The following TSLP variants were observed in gnomAD, a reference collection of about 807,000 sequenced individuals.
The protein encoded by TSLP is thymic stromal lymphopoietin.
In TSLP, 12 loss-of-function variants were observed where a neutral mutation model predicts 12.4. The observed-to-expected ratio is 0.97, with a 90% CI of 0.62 to 1.57. The LOEUF (loss-of-function observed/expected upper bound fraction) is 1.57, where lower values mean the gene tolerates loss of function less well. Among genes scored for constraint, TSLP ranks in the 40% most tolerant of loss-of-function variants. TSLP has a pLI of 0.00. For synonymous variants in TSLP, 97 were observed against 69.5 expected, an observed-to-expected ratio of 1.40 and a Z score of -1.97; for missense variants, 222 against 189.6, an observed-to-expected ratio of 1.17 and a Z score of -1.00.
chr5:111,074,684 G>T (rs1177940910), intron 3 of TSLP, among the ~76,000 whole-genome samples: 1 of 135,384 alleles, frequency 7.4e-6, no homozygotes, highest in Admixed American at 8.3e-5. Context: ...AGGCTGGAAT[G>T]CAGTGGCACG....
rs532541421 is a variant in TSLP at position 111,074,121 on chromosome 5, AC to A, written c.351+477del. Among the ~76,000 whole-genome samples the A allele has an allele frequency of 4.2e-4, 64 of 152,344 alleles. 1 individual carries two copies. The highest frequency in any genetic ancestry group is 1.5e-3 in the African/African-American group (64 of 41,578). On this transcript the variant is annotated intron_variant, in intron 3 of 3. Transcript: ENST00000344895. The stretch of plus-strand genomic sequence containing the variant: ...TTTGCTAAATGTATAATTACATTAT[AC>A]ATAAAATCTCTATCCTATGTTTGCT...
chr5:111,073,138 T>C (rs1752387952), intron 2 of TSLP, among the ~76,000 whole-genome samples: 1 of 152,222 alleles, frequency 6.6e-6, no homozygotes, highest in Admixed American at 6.5e-5. Context: ...AGAGGAAGTC[T>C]CTATCCGGAG....
At chr5:111,072,999 T>C in intron 2 of TSLP, 67 bp downstream of exon 2, 1 of 1,574,236 alleles carries the variant, frequency 6.4e-7, no homozygotes, top group Non-Finnish European at 8.7e-7. Flanking sequence ...AGAGGGAGTA[T>C]CCTGCTACGT....
rs1327760824 is a variant in TSLP at position 111,072,907 on chromosome 5, A to T, written c.191A>T (p.Asn64Ile). 3 of 1,614,224 alleles carry T rather than the reference A, an allele frequency of 1.9e-6. No individual in the cohort carries two copies. Among genetic ancestry groups the T allele is most frequent in the Non-Finnish European group, 2.5e-6 (3 of 1,180,028 alleles). Reference sequence around the variant, plus strand: ...TTCCAGACCAAAAGTACCGAGTTCAACAACACCGTCTCTTGTAGCAATCGG... The same window carrying T: ...TTCCAGACCAAAAGTACCGAGTTCATCAACACCGTCTCTTGTAGCAATCGG... ...YMSGTKSTEF[N>I]NTVSCSNRPH... The change falls in exon 2 of 4, where the codon AAC becomes ATC. Residue 64 changes from asparagine to isoleucine, a missense_variant. Coordinates refer to ENST00000344895, the MANE Select transcript of TSLP (RefSeq NM_033035.5).
Position 111,077,800 on chromosome 5 carries a change from ATATCT to A in TSLP, c.*1729_*1733del, listed in dbSNP as rs1316473490. 5.9e-5 allele frequency: 9 copies of A among 152,768 alleles called. No homozygotes were observed. The East Asian group carries it at 1.5e-3, about 26-fold the overall frequency. 9.5% of individuals were successfully genotyped at this position (152,768 alleles called of 1,614,324 possible). ...ATATTTTATTCTATGTGTTCCATAG[ATATCT>A]TAATGTAAAATTAGTCATTTAAATT... On this transcript the variant is annotated 3_prime_UTR_variant, in exon 4 of 4. Coordinates refer to ENST00000344895, the MANE Select transcript of TSLP (RefSeq NM_033035.5).
upstream of TSLP, chr5:111,071,488 A>T (rs1452628128): frequency 2.6e-6 from 4 of 1,547,896 alleles, no homozygotes; most frequent in Non-Finnish European, 3.5e-6. Context: ...ACACTTATGA[A>T]GTGTTTAGGG....
chr5:111,073,830 T>C (rs1752414394), intron 3 of TSLP, among the ~76,000 whole-genome samples, 185 bp downstream of exon 3: 1 of 152,214 alleles, frequency 6.6e-6, no homozygotes, highest in African/African-American at 2.4e-5. Context: ...AACTCACCTA[T>C]TTCTACGGTT....
At chr5:111,072,224 A>G (rs572103775) in intron 1 of TSLP, among the ~76,000 whole-genome samples, 163 bp downstream of exon 1, 341 of 152,352 alleles carry the variant, frequency 2.2e-3, no homozygotes, top group Non-Finnish European at 4.1e-3. Context: ...TATCTAATCT[A>G]AAATGATTAT....
At chr5:111,071,469 A>G (rs1752336071), upstream of TSLP, 17 of 1,539,296 alleles carry the variant, frequency 1.1e-5, no homozygotes, top group Non-Finnish European at 1.5e-5. Context: ...CGTTTCTTAA[A>G]GGACATTCAC....
rs767459292 is a variant in TSLP, at chr5:111,073,662, A to G, written c.351+17A>G. 1.1e-5 allele frequency: 18 copies of G among 1,613,846 alleles called. No individual in the cohort carries two copies. Among genetic ancestry groups the G allele is most frequent in the Non-Finnish European group, 1.4e-5 (17 of 1,179,776 alleles). On this transcript the variant is annotated intron_variant, in intron 3 of 3. Transcript: ENST00000344895. ...GAAACTCAGGTAAGCCCGAAGCCTC[A>G]GACGTTTGCTGTACCTTGGGGCTAA...
chr5:111,070,065 G>A (rs1465782167), upstream of TSLP: 3 of 152,220 alleles, frequency 2.0e-5, no homozygotes, highest in Admixed American at 1.3e-4. Context: ...ACCCTGAGAA[G>A]TTGGTGATGG....
At chr5:111,070,838 C>T (rs1752323305), upstream of TSLP, 1 of 152,240 alleles carries the variant, frequency 6.6e-6, no homozygotes, top group Non-Finnish European at 1.5e-5. Flanking sequence ...CGTGCGCCGC[C>T]TCCGGGAGAG....
chr5:111,070,793 G>C (rs1752322156), upstream of TSLP: 1 of 152,276 alleles, frequency 6.6e-6, no homozygotes, highest in Non-Finnish European at 1.5e-5. Context: ...TACGCTGCGC[G>C]GGGCTAAGCC....
At chr5:111,071,357 G>T, upstream of TSLP, 1 of 1,294,424 alleles carries the variant, frequency 7.7e-7, no homozygotes, top group South Asian at 1.7e-5. Context: ...ACATATGCAA[G>T]GACTCCAAAT....
chr5:111,073,127 G>T (rs530906478), intron 2 of TSLP, among the ~76,000 whole-genome samples, 195 bp downstream of exon 2: 2 of 152,248 alleles, frequency 1.3e-5, no homozygotes, highest in Non-Finnish European at 2.9e-5. Context: ...CCAATTTAGG[G>T]AGAGGAAGTC....
chr5:111,075,321 G>T (rs1375913776), intron 3 of TSLP, among the ~76,000 whole-genome samples: 1 of 152,030 alleles, frequency 6.6e-6, no homozygotes, highest in Admixed American at 6.5e-5. Flanking sequence ...TCAGATAAAG[G>T]TATATACTGC....
upstream of TSLP, chr5:111,070,137 T>A (rs1752307441): frequency 6.6e-6 from 1 of 152,180 alleles, no homozygotes. Context: ...ACATGAAGAA[T>A]TCCAGAAAAG....
In TSLP at chr5:111,071,798, G is replaced by A; in HGVS notation, c.-93G>A. Reference sequence around the variant, plus strand: ...CAATGAGAGGCAAAACCTGGTGCTTGAGCACTGGCCCCTAAGGCAGGCCTT... The same window carrying A: ...CAATGAGAGGCAAAACCTGGTGCTTAAGCACTGGCCCCTAAGGCAGGCCTT... On this transcript the variant is annotated 5_prime_UTR_variant, in exon 1 of 4. Transcript: ENST00000344895. The A allele has an allele frequency of 6.8e-7, 1 of 1,474,032 alleles. No homozygotes were observed. Among genetic ancestry groups the A allele is most frequent in the Non-Finnish European group, 9.2e-7 (1 of 1,083,166 alleles). 91.3% of individuals were successfully genotyped at this position (1,474,032 alleles called of 1,614,324 possible). A position where few individuals can be genotyped will look rare whatever the true frequency, so the allele number is the denominator to read the frequency against.
At position 111,076,351 on chromosome 5, in the gene TSLP, A is replaced by G. The variant is rs192309314; in HGVS notation, c.*277A>G. The G allele has an allele frequency of 1.2e-3, 408 of 344,740 alleles. 1 individual carries two copies. The highest frequency in any genetic ancestry group is 8.0e-3 in the African/African-American group (368 of 46,146). The allele number at this position is 344,740 out of a possible 1,614,324, so 21.4% of individuals were successfully genotyped here. On this transcript the variant is annotated 3_prime_UTR_variant, in exon 4 of 4. Transcript: ENST00000344895. ...AGTTGCATAAGCATTGCTCAAGAGG[A>G]AAATCCAAAAGTGCAGCAGGAGAAC...
Sources: gnomAD v4.1 joint callset for allele counts (sites outside exome capture counted in the v4.1 genomes callset) on GRCh38, gnomAD v4.1.1 for gene constraint, MANE v1.5 for transcripts, NCBI Gene and HGNC (gene_info 2026-07-23, HGNC 2026-07-21) for gene names.